Variants in RAI1 observed in about 807,000 individuals in gnomAD.
RAI1 encodes retinoic acid-induced protein 1.
RAI1 carries 9 observed loss-of-function variants against 123.8 expected under a neutral mutation model. The ratio of observed to expected loss-of-function variants is 0.07; its 90% CI spans 0.04 to 0.13. The LOEUF (loss-of-function observed/expected upper bound fraction) is 0.13, where lower values mean the gene tolerates loss of function less well. Ranked by LOEUF, RAI1 falls within the 10% of genes least tolerant of loss-of-function variation. The pLI, the probability that RAI1 is intolerant of heterozygous loss-of-function variation, is 1.00. For synonymous variants in RAI1, 1,231 were observed against 1,127.3 expected (o/e 1.09, Z -1.84); for missense variants, 2,256 against 2,545.8 (o/e 0.89, Z 2.45).
intron 2 of RAI1, among the ~76,000 whole-genome samples, chr17:17,739,938 C>T (rs1239157460): frequency 6.6e-6 from 1 of 152,222 alleles, no homozygotes; most frequent in African/African-American, 2.4e-5. Context: ...CACATACAGC[C>T]GCTGAGCTAA....
intron 2 of RAI1, among the ~76,000 whole-genome samples, chr17:17,774,537 C>T (rs773112105): frequency 1.3e-5 from 2 of 152,250 alleles, no homozygotes; most frequent in Non-Finnish European, 1.5e-5. Flanking sequence ...GCCACTGCCC[C>T]GCCAGGCCCC....
intron 1 of RAI1, among the ~76,000 whole-genome samples, chr17:17,710,266 C>CT (rs1915526315): frequency 6.6e-6 from 1 of 152,208 alleles, no homozygotes; most frequent in Non-Finnish European, 1.5e-5. Flanking sequence ...AGGAGAAGGG[C>CT]TGCCTGCATG....
chr17:17,795,759 G>A lies in RAI1; in HGVS notation c.2811G>A (p.Lys937=). 2.5e-6 allele frequency: 4 copies of A among 1,613,612 alleles called. No homozygotes were observed. The highest frequency in any genetic ancestry group is 3.4e-6 in the Non-Finnish European group (4 of 1,180,036). ...GCCCTACAGTGGGCACCGAGTCAAA[G>A]GTCCAGAGCTGGTTTGAGTCCTCTC... is the stretch of plus-strand genomic sequence containing the variant. ...LLGPTVGTES[K]VQSWFESSLS... The change falls in exon 3 of 6, where the codon AAG becomes AAA. Residue 937 remains lysine (K), a synonymous_variant. Transcript: ENST00000353383. The surrounding 1 kb of genome is among the most constrained non-coding windows in gnomAD (Gnocchi z 5.9).
At chr17:17,798,742 C>T (rs570759741) in intron 3 of RAI1, among the ~76,000 whole-genome samples, 90 of 152,222 alleles carry the variant, frequency 5.9e-4, no homozygotes, top group South Asian at 8.3e-4. Flanking sequence ...GACTTCCCGC[C>T]GGGGCCCGTA....
intron 2 of RAI1, among the ~76,000 whole-genome samples, chr17:17,754,094 TG>T (rs1482397259): frequency 6.6e-6 from 1 of 151,370 alleles, no homozygotes; most frequent in Non-Finnish European, 1.5e-5. Flanking sequence ...CAAGGATCCC[TG>T]GAAGAAATCG....
Position 17,758,207 on chromosome 17 carries a change from G to A in RAI1, c.-17+34048G>A, listed in dbSNP as rs1156916065. 5.3e-5 allele frequency among the ~76,000 whole-genome samples: 8 copies of A among 151,614 alleles called. No individual in the cohort carries two copies. In the South Asian group the frequency reaches 6.4e-4, roughly 12 times the overall value. On this transcript the variant is annotated intron_variant, in intron 2 of 5. Coordinates refer to ENST00000353383, the MANE Select transcript of RAI1 (RefSeq NM_030665.4). ...CCAGCGGCCGCATCCCAGCAGCTCC[G>A]GGCAGGATGGCAGGGCCGCCACAAG...
chr17:17,776,834 A>C (rs2031365337), intron 2 of RAI1: 1 of 149,724 alleles, frequency 6.7e-6, no homozygotes, highest in Non-Finnish European at 1.5e-5. Context: ...TGCCTAGTTC[A>C]TTTTTTTTCT....
chr17:17,752,179 G>C (rs1438107110), intron 2 of RAI1, among the ~76,000 whole-genome samples: 1 of 152,154 alleles, frequency 6.6e-6, no homozygotes, highest in Non-Finnish European at 1.5e-5. Flanking sequence ...GCATACCCAC[G>C]GGCCAGTGCC....
chr17:17,803,918 G>A, intron 4 of RAI1, 69 bp downstream of exon 4: 3 of 1,432,366 alleles, frequency 2.1e-6, no homozygotes, highest in Non-Finnish European at 3.0e-6. Context: ...CCCTCCCTGG[G>A]CACAGCTCCC....
rs1283897927 is a variant in RAI1 at position 17,797,748 on chromosome 17, G to A, written c.4800G>A (p.Arg1600=). 2 of 1,614,044 alleles carry A rather than the reference G, an allele frequency of 1.2e-6. No individual in the cohort carries two copies. The highest frequency in any genetic ancestry group is 1.7e-5 in the Admixed American group (1 of 60,026). ...SRTPAFSPFV[R]VEKRDAFTTI... is the part of the protein sequence containing the mutation. ...CCCCCGCCTTCTCACCCTTCGTGCG[G>A]GTGGAGAAGCGAGACGCGTTCACCA... The change falls in exon 3 of 6, where the codon CGG becomes CGA. Residue 1600 remains arginine (R), a synonymous_variant. Transcript: ENST00000353383.
At chr17:17,702,169 G>A (rs1567832332) in intron 1 of RAI1, among the ~76,000 whole-genome samples, 1 of 152,192 alleles carries the variant, frequency 6.6e-6, no homozygotes, top group African/African-American at 2.4e-5. Flanking sequence ...TGACATGAGG[G>A]GAGAGGGAGT....
chr17:17,806,811 T>A (rs2032602298), intron 4 of RAI1, among the ~76,000 whole-genome samples: 1 of 152,178 alleles, frequency 6.6e-6, no homozygotes, highest in Non-Finnish European at 1.5e-5. Flanking sequence ...CCACGTTCTG[T>A]TAGCCAAAGC....
chr17:17,687,907 G>A (rs1047765561), intron 1 of RAI1, among the ~76,000 whole-genome samples: 1 of 151,176 alleles, frequency 6.6e-6, no homozygotes, highest in African/African-American at 2.4e-5. Context: ...GCCCATGCCT[G>A]TAATTCCAGC....
At chr17:17,735,234 G>A (rs556926038) in intron 2 of RAI1, among the ~76,000 whole-genome samples, 27 of 150,164 alleles carry the variant, frequency 1.8e-4, no homozygotes, top group Non-Finnish European at 3.4e-4. Context: ...TTGTATTTTT[G>A]GTAGAGATGG....
Position 17,799,027 on chromosome 17 carries a change from C to T in RAI1, c.5565+514C>T, listed in dbSNP as rs1384057517. Among the ~76,000 whole-genome samples the T allele has an allele frequency of 2.6e-5, 4 of 152,186 alleles. No homozygotes were observed. The East Asian group carries it at 7.7e-4, about 29-fold the overall frequency. The stretch of plus-strand genomic sequence containing the variant: ...GGTGCATGGACCCAGTCACAGGGTT[C>T]CTCCCTCTGCAGGACAGTCCATGGG... On this transcript the variant is annotated intron_variant, in intron 3 of 5. Transcript: ENST00000353383. This position sits in a 1 kb window ranked among gnomAD's most constrained non-coding sequence, Gnocchi z 4.5.
chr17:17,710,990 GCCTCCTCCC>G (rs1915548556), intron 1 of RAI1, among the ~76,000 whole-genome samples: 1 of 152,174 alleles, frequency 6.6e-6, no homozygotes. Context: ...TTGTTTCCCA[GCCTCCTCCC>G]CCTCCCCTGC....
chr17:17,746,029 C>G (rs895316834), intron 2 of RAI1, among the ~76,000 whole-genome samples: 8 of 151,970 alleles, frequency 5.3e-5, no homozygotes, highest in African/African-American at 1.9e-4. Context: ...GGAGGCATCC[C>G]TCTGGGCTCA....
chr17:17,725,469 C>T (rs1916056373), intron 2 of RAI1, among the ~76,000 whole-genome samples: 1 of 152,118 alleles, frequency 6.6e-6, no homozygotes, highest in Non-Finnish European at 1.5e-5. Flanking sequence ...CCATTGAGGC[C>T]ATGGGAAGGG....
chr17:17,727,890 T>A (rs188735661), intron 2 of RAI1, among the ~76,000 whole-genome samples: 1 of 151,502 alleles, frequency 6.6e-6, no homozygotes, highest in Non-Finnish European at 1.5e-5. Context: ...GAAGAAAGAG[T>A]TGAAGCAGAG....
Sources: allele counts gnomAD v4.1 joint callset (sites outside exome capture counted in the v4.1 genomes callset), GRCh38; gene constraint gnomAD v4.1.1; non-coding constraint Gnocchi (gnomAD v3.1); transcripts MANE v1.5; gene names NCBI Gene and HGNC (gene_info 2026-07-23, HGNC 2026-07-21).